The following SPATA25 variants were observed in gnomAD, a reference collection of about 807,000 sequenced individuals.
SPATA25 encodes the protein spermatogenesis associated 25.
A neutral mutation model predicts 16.0 loss-of-function variants in SPATA25; 16 were observed. The ratio of observed to expected loss-of-function variants is 1.00; its 90% CI spans 0.68 to 1.52. The LOEUF is 1.52. SPATA25 is among the 40% of genes most tolerant of loss of function. The probability of loss-of-function intolerance (pLI) is 0.00; values close to 1 mark genes in which losing one functional copy is unlikely to be tolerated. For missense variants in SPATA25, 285 were observed against 289.2 expected, an observed-to-expected ratio of 0.99 and a Z score of 0.11; for synonymous variants, 115 against 118.5, an observed-to-expected ratio of 0.97 and a Z score of 0.19.
At chr20:45,890,825 C>A (rs1350205259), upstream of SPATA25, 7 of 1,571,950 alleles carry the variant, frequency 4.5e-6, no homozygotes, top group Non-Finnish European at 6.0e-6. Context: ...CGGCTCGCGG[C>A]TGAAGCACAC....
Position 45,886,818 on chromosome 20 carries a change from C to T in SPATA25, c.383G>A (p.Cys128Tyr), listed in dbSNP as rs1368003449. Residue 128 changes from cysteine (C) to tyrosine (Y), a missense_variant, in exon 2 of 2, where the codon TGT becomes TAT. Physicochemically the swap from Cys to Tyr is radical, Grantham distance 194. Transcript: ENST00000372519. ...CGGTAGAACCCGTGGTGACAGCCCACACAGCATCAGGGGCCTAGGCCTGCT... is the reference window on the plus strand; with the variant it reads ...CGGTAGAACCCGTGGTGACAGCCCATACAGCATCAGGGGCCTAGGCCTGCT... ...GPSRPRPLML[C>Y]GLSPRVLPVP... 2 of 1,613,946 alleles carry T rather than the reference C, an allele frequency of 1.2e-6. No individual in the cohort carries two copies. Among genetic ancestry groups the T allele is most frequent in the East Asian group, 2.2e-5 (1 of 44,878 alleles).
chr20:45,888,294 A>G (rs894876022), upstream of SPATA25, among the ~76,000 whole-genome samples: 1 of 152,196 alleles, frequency 6.6e-6, no homozygotes, highest in Non-Finnish European at 1.5e-5. Context: ...CTGGGATTAC[A>G]GGCCAGGTAT....
At chr20:45,887,952 G>A (rs1404737154), upstream of SPATA25, among the ~76,000 whole-genome samples, 1 of 152,194 alleles carries the variant, frequency 6.6e-6, no homozygotes, top group African/African-American at 2.4e-5. Context: ...GGAAACACAG[G>A]AGCCAAGTGC....
chr20:45,890,081 C>G, upstream of SPATA25: 2 of 696,956 alleles, frequency 2.9e-6, no homozygotes. Flanking sequence ...GGCCCAAAAC[C>G]ATGTAGAGGC....
chr20:45,890,623 G>C, upstream of SPATA25: 2 of 1,613,044 alleles, frequency 1.2e-6, no homozygotes, highest in Non-Finnish European at 1.7e-6. Context: ...GGCCCTCCCG[G>C]GGCACGCGGT....
upstream of SPATA25, chr20:45,887,667 C>T: frequency 7.1e-7 from 1 of 1,407,592 alleles, no homozygotes; most frequent in African/African-American, 1.4e-5. Flanking sequence ...TCTAGAATGT[C>T]ACCTCATAGA....
upstream of SPATA25, chr20:45,890,662 G>C: frequency 6.2e-7 from 1 of 1,613,644 alleles, no homozygotes; most frequent in Non-Finnish European, 8.5e-7. Context: ...CGAAGACCCA[G>C]GTGTGGCCCA....
upstream of SPATA25, chr20:45,890,705 A>G: frequency 6.2e-7 from 1 of 1,613,706 alleles, no homozygotes; most frequent in Non-Finnish European, 8.5e-7. Flanking sequence ...AAACTCGGGA[A>G]CGGGGGCCAG....
chr20:45,887,222 C>A, intron 1 of SPATA25, 77 bp from the exon 2 acceptor site: 1 of 1,506,244 alleles, frequency 6.6e-7, no homozygotes, highest in Non-Finnish European at 8.8e-7. Context: ...GGCATGGGAG[C>A]AGAGCTTGGG....
Position 45,886,550 on chromosome 20 carries a change from A to G in SPATA25, c.651T>C (p.Ser217=), listed in dbSNP as rs1271794352. 1.3e-6 allele frequency: 2 copies of G among 1,592,538 alleles called. No homozygotes were observed. The highest frequency in any genetic ancestry group is 1.7e-6 in the Non-Finnish European group (2 of 1,165,460). The change falls in exon 2 of 2, where the codon TCT becomes TCC. Residue 217 remains serine (S), a synonymous_variant. Transcript: ENST00000372519. ...TASGKMPLVR[S]KRGQPPGSCL Reference sequence around the variant, plus strand: ...AGGAGCCAGGAGGCTGGCCCCTTTTAGATCTCACTAGGGGCATCTTCCCAG... The same window carrying G: ...AGGAGCCAGGAGGCTGGCCCCTTTTGGATCTCACTAGGGGCATCTTCCCAG...
upstream of SPATA25, chr20:45,890,196 T>C: frequency 3.7e-6 from 6 of 1,606,362 alleles, no homozygotes; most frequent in Non-Finnish European, 5.1e-6. Flanking sequence ...GGAGCCCTAG[T>C]AGATTCCAGT....
Position 45,886,662 on chromosome 20 carries a change from G to A in SPATA25, c.539C>T (p.Ala180Val), listed in dbSNP as rs1986483352. 1 of 1,614,018 alleles carries A rather than the reference G, an allele frequency of 6.2e-7. No homozygotes were observed. The highest frequency in any genetic ancestry group is 8.5e-7 in the Non-Finnish European group (1 of 1,180,042). ...PGVREEDLIW[A>V]AQAFMMAHPE... The stretch of plus-strand genomic sequence containing the variant: ...ATGGGCCATCATGAAAGCTTGAGCG[G>A]CCCAGATCAGGTCCTCTTCCCGAAC... Residue 180 changes from alanine (A) to valine (V), a missense_variant, in exon 2 of 2, where the codon GCC becomes GTC. Transcript: ENST00000372519.
chr20:45,886,612 C>T lies in SPATA25; in HGVS notation c.589G>A (p.Gly197Arg). ...AHPEPEGAVE[G>R]ARWEQAHAHT... ...GCATGTGCCTGCTCCCACCGCGCCCCCTCCACAGCACCCTCTGGCTCCGGA... is the reference window on the plus strand; with the variant it reads ...GCATGTGCCTGCTCCCACCGCGCCCTCTCCACAGCACCCTCTGGCTCCGGA... Residue 197 changes from glycine (G) to arginine (R), a missense_variant, in exon 2 of 2, where the codon GGG becomes AGG. Coordinates refer to ENST00000372519, the MANE Select transcript of SPATA25 (RefSeq NM_080608.4). 3 of 1,614,018 alleles carry T rather than the reference C, an allele frequency of 1.9e-6. No individual in the cohort carries two copies. The highest frequency in any genetic ancestry group is 2.5e-6 in the Non-Finnish European group (3 of 1,180,030).
chr20:45,890,244 A>G, upstream of SPATA25: 1 of 1,613,756 alleles, frequency 6.2e-7, no homozygotes, highest in South Asian at 1.1e-5. Flanking sequence ...GCCCAGGGAT[A>G]CCTACAGCCA....
chr20:45,889,608 C>CCT (rs199785991), upstream of SPATA25, among the ~76,000 whole-genome samples: 8,469 of 117,988 alleles, frequency 0.072, 287 homozygotes, highest in South Asian at 0.15. Flanking sequence ...TCTCTCTCTT[C>CCT]CTCTCTCTCT....
At chr20:45,890,554 A>G (rs1986730704), upstream of SPATA25, 3 of 1,611,406 alleles carry the variant, frequency 1.9e-6, no homozygotes, top group Admixed American at 1.7e-5. Context: ...CAATGCGCAG[A>G]TATGGTTCCA....
upstream of SPATA25, chr20:45,890,632 G>A (rs1986740953): frequency 1.2e-6 from 2 of 1,613,150 alleles, no homozygotes; most frequent in Admixed American, 1.7e-5. Flanking sequence ...GGGGCACGCG[G>A]TTGTGGTGGC....
At chr20:45,890,901 C>T (rs1191739297), upstream of SPATA25, 5 of 1,558,926 alleles carry the variant, frequency 3.2e-6, no homozygotes, top group Non-Finnish European at 4.3e-6. Flanking sequence ...ATGTTGGCAC[C>T]GTGCACCCGA....
intron 1 of SPATA25, 75 bp from the exon 2 acceptor site, chr20:45,887,220 A>T (rs1986517552): frequency 1.3e-6 from 2 of 1,508,520 alleles, no homozygotes; most frequent in Admixed American, 2.1e-5. Context: ...AGGGCATGGG[A>T]GCAGAGCTTG....
Sources: allele counts gnomAD v4.1 joint callset (sites outside exome capture counted in the v4.1 genomes callset), GRCh38; gene constraint gnomAD v4.1.1; transcripts MANE v1.5; gene names NCBI Gene and HGNC (gene_info 2026-07-23, HGNC 2026-07-21).